Variants in TRPM3 observed in about 807,000 individuals in gnomAD.
TRPM3 encodes the protein long transient receptor potential channel 3.
Under a neutral mutation model 181.2 loss-of-function variants are expected in TRPM3, and 77 were observed. The observed-to-expected ratio is 0.42, with a 90% CI of 0.35 to 0.51. The LOEUF (loss-of-function observed/expected upper bound fraction) is 0.51, where lower values mean the gene tolerates loss of function less well. TRPM3 is among the 20% of genes least tolerant of loss of function. TRPM3 has a pLI of 0.01. For synonymous variants in TRPM3, 745 were observed against 796.4 expected, an observed-to-expected ratio of 0.94 and a Z score of 1.09; for missense variants, 1,759 against 2,196.7, an observed-to-expected ratio of 0.80 and a Z score of 3.98.
intron 1 of TRPM3, among the ~76,000 whole-genome samples, chr9:71,173,612 G>A (rs2076969102): frequency 6.6e-6 from 1 of 152,210 alleles, no homozygotes; most frequent in Admixed American, 6.5e-5. Context: ...GGAGGTGCAT[G>A]AATTCCTCAT....
chr9:71,150,380 G>A (rs1159133158), intron 1 of TRPM3, among the ~76,000 whole-genome samples: 1 of 152,094 alleles, frequency 6.6e-6, no homozygotes, highest in African/African-American at 2.4e-5. Context: ...GATGAGCAGA[G>A]TATATAAATA....
intron 1 of TRPM3, among the ~76,000 whole-genome samples, chr9:71,307,484 T>C (rs150271599): frequency 6.6e-5 from 10 of 152,310 alleles, no homozygotes; most frequent in African/African-American, 2.4e-4. Context: ...GTAAATTATA[T>C]AAAACATGCA....
At chr9:71,296,953 A>G (rs1295294276) in intron 1 of TRPM3, among the ~76,000 whole-genome samples, 2 of 151,786 alleles carry the variant, frequency 1.3e-5, no homozygotes, top group African/African-American at 4.8e-5. Context: ...TGAAAATTGA[A>G]CAATACATGA....
At chr9:70,862,264 T>C (rs886954539) in intron 3 of TRPM3, among the ~76,000 whole-genome samples, 1 of 152,082 alleles carries the variant, frequency 6.6e-6, no homozygotes, top group Non-Finnish European at 1.5e-5. Context: ...AAGTGGCCCA[T>C]GATGAAAGGT....
At chr9:70,874,860 AT>A (rs1032343211) in intron 1 of TRPM3, among the ~76,000 whole-genome samples, 4 of 151,880 alleles carry the variant, frequency 2.6e-5, no homozygotes, top group African/African-American at 9.7e-5. Flanking sequence ...CTAAAAAAAA[AT>A]CAATCTCTTT....
chr9:71,026,669 G>A (rs962460228), intron 1 of TRPM3, among the ~76,000 whole-genome samples: 2 of 152,130 alleles, frequency 1.3e-5, no homozygotes, highest in South Asian at 2.1e-4. Flanking sequence ...AAGCCCACCA[G>A]CCCTGCCCAC....
chr9:70,629,164 A>ATTTATG, intron 12 of TRPM3, among the ~76,000 whole-genome samples: 1 of 127,610 alleles, frequency 7.8e-6, no homozygotes, highest in Admixed American at 9.9e-5. Flanking sequence ...TTTCAGAATG[A>ATTTATG]TTTATGTTTG....
chr9:71,308,240 TTCAATACA>T (rs1220633254), intron 1 of TRPM3, among the ~76,000 whole-genome samples: 1 of 152,168 alleles, frequency 6.6e-6, no homozygotes, highest in Non-Finnish European at 1.5e-5. Context: ...TATATTTATA[TTCAATACA>T]AAAGTATTTG....
chr9:71,289,112 A>G (rs1202804933), intron 1 of TRPM3, among the ~76,000 whole-genome samples: 1 of 152,086 alleles, frequency 6.6e-6, no homozygotes, highest in Non-Finnish European at 1.5e-5. Flanking sequence ...CTGGAAGAAC[A>G]CACTTTAACA....
At chr9:71,246,499 G>A (rs2082040739) in intron 1 of TRPM3, among the ~76,000 whole-genome samples, 1 of 152,142 alleles carries the variant, frequency 6.6e-6, no homozygotes, top group Admixed American at 6.6e-5. Flanking sequence ...AGGCCCTTCA[G>A]TTCTGGCCAT....
chr9:70,952,766 A>G (rs1339819761), intron 1 of TRPM3, among the ~76,000 whole-genome samples: 1 of 152,150 alleles, frequency 6.6e-6, no homozygotes, highest in Non-Finnish European at 1.5e-5. Flanking sequence ...GGGAGACGAG[A>G]CTGGATAGGT....
In TRPM3 at chr9:70,941,399, G is replaced by A. The variant is rs535545949; in HGVS notation, c.178-76888C>T. Reference sequence around the variant, plus strand: ...GTGATTTGCCAAGGGCTCTCAGGCCGTCAGCCACAGACTGAAGGCTGCACT... The same window carrying A: ...GTGATTTGCCAAGGGCTCTCAGGCCATCAGCCACAGACTGAAGGCTGCACT... On this transcript the variant is annotated intron_variant, in intron 1 of 25. Transcript: ENST00000677713. Among the ~76,000 whole-genome samples, 15 of 152,278 alleles carry A rather than the reference G, an allele frequency of 9.9e-5. No individual in the cohort carries two copies. In the South Asian group the frequency reaches 2.5e-3, roughly 25 times the overall value.
At chr9:71,219,259 T>C (rs1456583015) in intron 1 of TRPM3, among the ~76,000 whole-genome samples, 2 of 152,154 alleles carry the variant, frequency 1.3e-5, no homozygotes, top group Non-Finnish European at 2.9e-5. Flanking sequence ...CATTAAAAAC[T>C]TTCTAAAAAT....
chr9:70,789,412 A>C (rs1306834105), intron 6 of TRPM3, among the ~76,000 whole-genome samples: 2 of 152,234 alleles, frequency 1.3e-5, no homozygotes, highest in Non-Finnish European at 2.9e-5. Flanking sequence ...ACAAATGAAT[A>C]AAATAAAAGG....
chr9:71,082,591 G>T (rs984732560), intron 1 of TRPM3, among the ~76,000 whole-genome samples: 9 of 152,094 alleles, frequency 5.9e-5, no homozygotes, highest in Admixed American at 5.9e-4. Context: ...AGAACTTTTT[G>T]TGCAAAGAAA....
At chr9:70,559,551 T>G (rs2048548631) in intron 22 of TRPM3, among the ~76,000 whole-genome samples, 1 of 152,200 alleles carries the variant, frequency 6.6e-6, no homozygotes, top group Non-Finnish European at 1.5e-5. Context: ...TACCCCATCT[T>G]GCATCCATGA....
chr9:71,404,432 T>A (rs1357083786), intron 1 of TRPM3, among the ~76,000 whole-genome samples: 1 of 152,220 alleles, frequency 6.6e-6, no homozygotes, highest in Non-Finnish European at 1.5e-5. Flanking sequence ...GATGCCTTCC[T>A]CTAACTTATT....
intron 1 of TRPM3, among the ~76,000 whole-genome samples, chr9:71,354,634 T>C (rs1446499346): frequency 3.9e-5 from 6 of 152,228 alleles, no homozygotes; most frequent in Admixed American, 2.0e-4. Context: ...GAATCATTAT[T>C]TGTAATCACA....
In TRPM3 at chr9:71,196,974, C is replaced by T. The variant is rs575848293; in HGVS notation, c.183+249679G>A. The stretch of plus-strand genomic sequence containing the variant: ...ATGCTGGTGTGCTGCACCCATTACT[C>T]GTCATTTAACATTAGGTATATCTCC... On this transcript the variant is annotated intron_variant, in intron 1 of 24. Transcript: ENST00000357533. Among the ~76,000 whole-genome samples the T allele has an allele frequency of 3.3e-3, 485 of 148,524 alleles. 4 individuals are homozygous for T. Among genetic ancestry groups the T allele is most frequent in the African/African-American group, 9.5e-3 (385 of 40,480 alleles).
Sources: allele counts gnomAD v4.1 joint callset (sites outside exome capture counted in the v4.1 genomes callset), GRCh38; gene constraint gnomAD v4.1.1; transcripts MANE v1.5; gene names NCBI Gene and HGNC (gene_info 2026-07-23, HGNC 2026-07-21).